RETREG1: variants seen among roughly 807,000 people sequenced by gnomAD.
RETREG1 encodes family with sequence similarity 134 member B.
A neutral mutation model predicts 54.8 loss-of-function variants in RETREG1; 44 were observed. The ratio of observed to expected loss-of-function variants is 0.80; its 90% CI spans 0.63 to 1.03. The LOEUF (loss-of-function observed/expected upper bound fraction) is 1.03, where lower values mean the gene tolerates loss of function less well. Among genes scored for constraint, RETREG1 ranks in the 50% least tolerant of loss-of-function variants. RETREG1 has a pLI of 0.00. For synonymous variants in RETREG1, 217 were observed against 238.5 expected (o/e 0.91, Z 0.83); for missense variants, 554 against 605.1 (o/e 0.92, Z 0.89).
chr5:16,550,952 G>A (rs992267899), intron 3 of RETREG1, among the ~76,000 whole-genome samples: 1 of 152,164 alleles, frequency 6.6e-6, no homozygotes, highest in Non-Finnish European at 1.5e-5. Context: ...AGGAGGATAC[G>A]GGAATTGACT....
At chr5:16,487,809 C>T (rs1337709254) in intron 3 of RETREG1, among the ~76,000 whole-genome samples, 3 of 152,354 alleles carry the variant, frequency 2.0e-5, no homozygotes, top group South Asian at 2.1e-4. Flanking sequence ...CTTAGATAAG[C>T]AAACTCACTT....
chr5:16,586,036 T>A (rs534593409), intron 1 of RETREG1, among the ~76,000 whole-genome samples: 1 of 152,212 alleles, frequency 6.6e-6, no homozygotes, highest in Admixed American at 6.5e-5. Flanking sequence ...ATAAGTTAAA[T>A]ACTAACTACC....
chr5:16,519,063 A>C (rs1025343796), intron 3 of RETREG1, among the ~76,000 whole-genome samples: 5 of 152,198 alleles, frequency 3.3e-5, no homozygotes, highest in African/African-American at 1.2e-4. Context: ...CACCCAAACA[A>C]ACAAAAATCA....
At chr5:16,528,491 G>A (rs997644096) in intron 3 of RETREG1, among the ~76,000 whole-genome samples, 1 of 152,132 alleles carries the variant, frequency 6.6e-6, no homozygotes, top group South Asian at 2.1e-4. Flanking sequence ...ACAGGAGTCA[G>A]CTCTGGATGA....
chr5:16,559,564 T>A (rs530537464), intron 3 of RETREG1, among the ~76,000 whole-genome samples: 5 of 152,140 alleles, frequency 3.3e-5, no homozygotes, highest in African/African-American at 1.2e-4. Context: ...AAGGAAAAAA[T>A]TGCTTTAAAT....
At chr5:16,506,972 T>C (rs1044792530) in intron 3 of RETREG1, among the ~76,000 whole-genome samples, 1 of 152,208 alleles carries the variant, frequency 6.6e-6, no homozygotes. Context: ...GTATAATATA[T>C]GGTTATGTGA....
chr5:16,512,042 C>T (rs540067388), intron 3 of RETREG1, among the ~76,000 whole-genome samples: 1 of 152,270 alleles, frequency 6.6e-6, no homozygotes, highest in East Asian at 1.9e-4. Context: ...GCTACACAAT[C>T]GACAAGTGTC....
At chr5:16,589,551 A>G (rs1210099563) in intron 1 of RETREG1, among the ~76,000 whole-genome samples, 1 of 152,102 alleles carries the variant, frequency 6.6e-6, no homozygotes, top group African/African-American at 2.4e-5. Flanking sequence ...TTTTTAGTAG[A>G]GACGGGGCTT....
chr5:16,513,728 C>T (rs1366954748), intron 3 of RETREG1, among the ~76,000 whole-genome samples: 1 of 152,162 alleles, frequency 6.6e-6, no homozygotes, highest in Non-Finnish European at 1.5e-5. Context: ...GCCACTTGGG[C>T]CATTTTCAGA....
At chr5:16,580,836 C>T (rs948147053) in intron 1 of RETREG1, among the ~76,000 whole-genome samples, 1 of 152,170 alleles carries the variant, frequency 6.6e-6, no homozygotes, top group Admixed American at 6.5e-5. Flanking sequence ...AGAGACCTCA[C>T]CTGGGCTAAG....
At chr5:16,537,321 C>T (rs1411729619) in intron 3 of RETREG1, among the ~76,000 whole-genome samples, 1 of 152,216 alleles carries the variant, frequency 6.6e-6, no homozygotes, top group Non-Finnish European at 1.5e-5. Flanking sequence ...GCGTGAGGCT[C>T]AGAGCCGACC....
intron 8 of RETREG1, among the ~76,000 whole-genome samples, chr5:16,475,540 A>G (rs542843062): frequency 6.6e-6 from 1 of 152,310 alleles, no homozygotes; most frequent in South Asian, 2.1e-4. Flanking sequence ...GGTTTTGACT[A>G]AAGTTTAAGC....
chr5:16,531,411 A>G lies in RETREG1; in HGVS notation c.458+34352T>C, dbSNP rs749846798. On this transcript the variant is annotated intron_variant, in intron 3 of 8. Coordinates refer to ENST00000306320, the MANE Select transcript of RETREG1 (RefSeq NM_001034850.3). ...ATTTAACAACTGTTTACTGTTGCCA[A>G]TTGCAGGCCAGGCGTCAGGAGGGTA... 1.2e-4 allele frequency among the ~76,000 whole-genome samples: 19 copies of G among 152,314 alleles called. 1 individual carries two copies. Among genetic ancestry groups the G allele is most frequent in the South Asian group, 2.1e-4 (1 of 4,830 alleles).
rs386403108 is a variant in RETREG1 at position 16,527,800 on chromosome 5, ATTTTTTTTTTT to A, written c.458+37952_458+37962del. On this transcript the variant is annotated intron_variant, in intron 3 of 8. Transcript: ENST00000306320. ...CTTAGTACAATTTCGAGGGACTCTAATTTTTTTTTTTTTTTTTTTTTTTTTTTGAGATGCAG... is the reference window on the plus strand; with the variant it reads ...CTTAGTACAATTTCGAGGGACTCTAATTTTTTTTTTTTTTTTGAGATGCAG... Among the ~76,000 whole-genome samples the A allele has an allele frequency of 1.6e-3, 109 of 66,270 alleles. 2 individuals are homozygous for A. The East Asian group carries it at 0.031, about 19-fold the overall frequency. The allele number at this position is 66,270 out of a possible 152,430, so 43.5% of individuals were successfully genotyped here. A position where few individuals can be genotyped will look rare whatever the true frequency, so the allele number is the denominator to read the frequency against.
intron 1 of RETREG1, among the ~76,000 whole-genome samples, chr5:16,590,859 AC>A (rs1257718218): frequency 6.8e-6 from 1 of 146,690 alleles, no homozygotes; most frequent in Non-Finnish European, 1.5e-5. Context: ...CACACAAAAA[AC>A]ACACACATGC....
At chr5:16,528,898 G>A (rs1252287241) in intron 3 of RETREG1, among the ~76,000 whole-genome samples, 4 of 151,842 alleles carry the variant, frequency 2.6e-5, no homozygotes, top group Non-Finnish European at 4.4e-5. Flanking sequence ...ACAGATGAGC[G>A]TGGGCCATAA....
chr5:16,511,067 G>C (rs1338283665), intron 3 of RETREG1, among the ~76,000 whole-genome samples: 2 of 152,182 alleles, frequency 1.3e-5, no homozygotes, highest in South Asian at 4.1e-4. Context: ...TGCTATAACA[G>C]ATGAATTAGC....
chr5:16,556,870 C>T (rs1373308034), intron 3 of RETREG1, among the ~76,000 whole-genome samples: 1 of 152,188 alleles, frequency 6.6e-6, no homozygotes, highest in Non-Finnish European at 1.5e-5. Flanking sequence ...CGCTCTGTCA[C>T]CCAGGCTGGA....
intron 1 of RETREG1, among the ~76,000 whole-genome samples, chr5:16,604,365 A>G (rs1011700197): frequency 6.6e-5 from 10 of 152,194 alleles, no homozygotes; most frequent in Non-Finnish European, 1.2e-4. Flanking sequence ...GTGGTGTGAT[A>G]ATTAAATAAG....
Sources: gnomAD v4.1 joint callset for allele counts (sites outside exome capture counted in the v4.1 genomes callset) on GRCh38, gnomAD v4.1.1 for gene constraint, MANE v1.5 for transcripts, NCBI Gene and HGNC (gene_info 2026-07-23, HGNC 2026-07-21) for gene names.